The following ITFG2 variants were observed in gnomAD, a reference collection of about 807,000 sequenced individuals.
ITFG2 encodes integrin alpha FG-GAP repeat containing 2, also known as KICSTOR complex protein ITFG2.
In ITFG2, 36 loss-of-function variants were observed where a neutral mutation model predicts 54.4. The ratio of observed to expected loss-of-function variants is 0.66; its 90% CI spans 0.51 to 0.87. The LOEUF (loss-of-function observed/expected upper bound fraction) is 0.87, where lower values mean the gene tolerates loss of function less well. ITFG2 is among the 40% of genes least tolerant of loss of function. The pLI, the probability that ITFG2 is intolerant of heterozygous loss-of-function variation, is 0.00. For synonymous variants in ITFG2, 211 were observed against 225.4 expected, an observed-to-expected ratio of 0.94 and a Z score of 0.57; for missense variants, 524 against 576.7, an observed-to-expected ratio of 0.91 and a Z score of 0.94.
At chr12:2,841,483 C>A (rs1479238128) in intron 2 of ITFG2, among the ~76,000 whole-genome samples, 1 of 152,192 alleles carries the variant, frequency 6.6e-6, no homozygotes, top group Non-Finnish European at 1.5e-5. Context: ...TTAGATAAAA[C>A]CAGACCACAC....
At chr12:2,849,674 T>C (rs2098063971) in intron 2 of ITFG2, 1 of 882,808 alleles carries the variant, frequency 1.1e-6, no homozygotes, top group East Asian at 2.7e-5. Context: ...CTCCACCTAA[T>C]CGGATATTGA....
chr12:2,850,143 A>T (rs2098065386), intron 2 of ITFG2, among the ~76,000 whole-genome samples: 1 of 152,118 alleles, frequency 6.6e-6, no homozygotes, highest in Non-Finnish European at 1.5e-5. Context: ...TCAGTTAGTT[A>T]GAATCTCCAG....
chr12:2,827,992 T>C (rs146686135), downstream of ITFG2: 59 of 1,614,090 alleles, frequency 3.7e-5, no homozygotes, highest in Non-Finnish European at 4.7e-5. The surrounding 1 kb of genome is among the most constrained non-coding windows in gnomAD (Gnocchi z 4.0). Context: ...TCCACCTGGG[T>C]TGGGGGCCCA....
chr12:2,856,064 G>A (rs1334525024), intron 2 of ITFG2, among the ~76,000 whole-genome samples: 3 of 152,066 alleles, frequency 2.0e-5, no homozygotes, highest in Non-Finnish European at 4.4e-5. Context: ...TAAATAAACA[G>A]CAGCAAGTAC....
downstream of ITFG2, chr12:2,826,696 G>A (rs942213345): frequency 5.7e-6 from 1 of 175,094 alleles, no homozygotes; most frequent in African/African-American, 2.4e-5. Flanking sequence ...ACTGTGAGCA[G>A]ATGTGCACAG....
Position 2,817,906 on chromosome 12 carries a change from CA to C in ITFG2, c.193-2del. On this transcript the variant is annotated splice_acceptor_variant, in intron 2 of 11. Coordinates refer to ENST00000228799, the MANE Select transcript of ITFG2 (RefSeq NM_018463.4). LOFTEE classifies it high-confidence loss of function. ...TCCCTGAGCCTCCCTTTCTCTCTTA[CA>C]GCTGACTTGCGTTGGGGTTGGAGAC... The C allele has an allele frequency of 3.1e-6, 5 of 1,613,822 alleles. No individual in the cohort carries two copies. The highest frequency in any genetic ancestry group is 4.2e-6 in the Non-Finnish European group (5 of 1,179,878).
At chr12:2,856,576 T>G (rs2098088077) in intron 2 of ITFG2, among the ~76,000 whole-genome samples, 1 of 152,208 alleles carries the variant, frequency 6.6e-6, no homozygotes, top group Non-Finnish European at 1.5e-5. Context: ...TTGGCCAAGC[T>G]GGTCTCAAAC....
At chr12:2,826,345 G>A (rs892821566), downstream of ITFG2, 1 of 152,338 alleles carries the variant, frequency 6.6e-6, no homozygotes, top group Non-Finnish European at 1.5e-5. Context: ...GAGGTGGATA[G>A]TTCTAGAAAT....
chr12:2,822,148 C>T (rs1383667840), intron 9 of ITFG2, among the ~76,000 whole-genome samples: 1 of 152,084 alleles, frequency 6.6e-6, no homozygotes, highest in Admixed American at 6.6e-5. Context: ...TTTCAAACTC[C>T]TGGGCTCAAG....
At chr12:2,816,371 C>CAT (rs1305685487) in intron 1 of ITFG2, among the ~76,000 whole-genome samples, 3 of 143,192 alleles carry the variant, frequency 2.1e-5, no homozygotes. Flanking sequence ...GCTCTGTCGC[C>CAT]CAGGCTGGAG....
At chr12:2,819,193 G>A (rs935765941) in intron 4 of ITFG2, among the ~76,000 whole-genome samples, 14 of 152,030 alleles carry the variant, frequency 9.2e-5, no homozygotes, top group African/African-American at 2.7e-4. Context: ...GGCTGGGCAC[G>A]GTGGCTCACG....
downstream of ITFG2, chr12:2,827,052 G>T: frequency 6.8e-7 from 1 of 1,471,930 alleles, no homozygotes; most frequent in South Asian, 1.4e-5. The surrounding 1 kb of genome is among the most constrained non-coding windows in gnomAD (Gnocchi z 4.0). Flanking sequence ...GAGGAATGCG[G>T]CCAGCTGGGG....
intron 9 of ITFG2, 24 bp from the exon 10 acceptor site, chr12:2,822,770 C>T: frequency 6.3e-7 from 1 of 1,594,002 alleles, no homozygotes; most frequent in Non-Finnish European, 8.6e-7. Flanking sequence ...CCTTTATGTT[C>T]CTTTTGTCTC....
At chr12:2,821,476 A>C in intron 7 of ITFG2, 67 bp from the exon 8 acceptor site, 1 of 1,579,638 alleles carries the variant, frequency 6.3e-7, no homozygotes, top group South Asian at 1.1e-5. Flanking sequence ...CTGCTGCAGA[A>C]CACCCCTCTC....
chr12:2,827,306 GGT>G (rs754101697), downstream of ITFG2: 1 of 1,611,588 alleles, frequency 6.2e-7, no homozygotes, highest in South Asian at 1.1e-5. The surrounding 1 kb of genome is among the most constrained non-coding windows in gnomAD (Gnocchi z 4.0). Context: ...AGCACTGCGG[GGT>G]GTAGAGCAGT....
chr12:2,847,377 G>A (rs750581881), intron 2 of ITFG2, among the ~76,000 whole-genome samples: 25 of 152,126 alleles, frequency 1.6e-4, no homozygotes, highest in Non-Finnish European at 2.9e-4. Flanking sequence ...AGTAACTCCC[G>A]GCCAGACGCG....
exon 2 of ITFG2, chr12:2,840,949 C>T (rs192844750): frequency 4.3e-4 from 65 of 152,558 alleles, no homozygotes; most frequent in Non-Finnish European, 8.8e-5. Flanking sequence ...ATGGAGAGGG[C>T]CATGCAGACA....
At chr12:2,813,722 C>T (rs2153922999) in intron 1 of ITFG2, among the ~76,000 whole-genome samples, 1 of 152,274 alleles carries the variant, frequency 6.6e-6, no homozygotes, top group South Asian at 2.1e-4. Context: ...CCTACTCGGC[C>T]TCCCTGCTTC....
intron 2 of ITFG2, chr12:2,855,486 G>C: frequency 7.3e-7 from 1 of 1,377,860 alleles, no homozygotes; most frequent in Non-Finnish European, 9.4e-7. Context: ...AGGTTGTGCA[G>C]ACAGGGGTGC....
Sources: allele counts gnomAD v4.1 joint callset (sites outside exome capture counted in the v4.1 genomes callset), GRCh38; gene constraint gnomAD v4.1.1; non-coding constraint Gnocchi (gnomAD v3.1); transcripts MANE v1.5; gene names NCBI Gene and HGNC (gene_info 2026-07-23, HGNC 2026-07-21).